MAPK10: variants seen among roughly 807,000 people sequenced by gnomAD.
MAPK10 encodes the protein mitogen-activated protein kinase 10, also known as JNK3 alpha protein kinase.
Under a neutral mutation model 59.3 loss-of-function variants are expected in MAPK10, and 25 were observed. That is an observed-to-expected ratio of 0.42 (90% CI 0.31 to 0.59). The LOEUF is 0.59. Among genes scored for constraint, MAPK10 ranks in the 20% least tolerant of loss-of-function variants. The pLI, the probability that MAPK10 is intolerant of heterozygous loss-of-function variation, is 0.15. For synonymous variants in MAPK10, 190 were observed against 200.5 expected, an observed-to-expected ratio of 0.95 and a Z score of 0.44; for missense variants, 351 against 568.9, an observed-to-expected ratio of 0.62 and a Z score of 3.90.
chr4:86,490,351 C>T (rs1425938713), intron 1 of MAPK10, among the ~76,000 whole-genome samples: 1 of 152,172 alleles, frequency 6.6e-6, no homozygotes, highest in African/African-American at 2.4e-5. Context: ...CTGGGCCTCA[C>T]TTCTTCACAA....
chr4:86,036,950 T>C (rs551397759), intron 11 of MAPK10, among the ~76,000 whole-genome samples: 9 of 152,326 alleles, frequency 5.9e-5, no homozygotes, highest in Non-Finnish European at 1.0e-4. Flanking sequence ...TGAATTGCAA[T>C]GTTTTTCTAC....
intron 12 of MAPK10, among the ~76,000 whole-genome samples, chr4:86,030,459 T>A (rs945549197): frequency 3.3e-5 from 5 of 151,954 alleles, no homozygotes; most frequent in African/African-American, 1.2e-4. Flanking sequence ...GCCTCCCAAG[T>A]AGCTGGGACT....
At chr4:86,583,315 G>A (rs975239958) in intron 1 of MAPK10, among the ~76,000 whole-genome samples, 4 of 151,974 alleles carry the variant, frequency 2.6e-5, no homozygotes, top group African/African-American at 9.7e-5. Context: ...GAGTCACCAC[G>A]CCTGGCCCCC....
intron 2 of MAPK10, among the ~76,000 whole-genome samples, chr4:86,258,504 A>G (rs574669681): frequency 6.6e-6 from 1 of 152,256 alleles, no homozygotes; most frequent in African/African-American, 2.4e-5. Flanking sequence ...TGGATACCAC[A>G]TTGTTTTTTC....
chr4:86,131,426 C>A (rs946106303), intron 4 of MAPK10, among the ~76,000 whole-genome samples: 3 of 152,128 alleles, frequency 2.0e-5, no homozygotes, highest in Non-Finnish European at 4.4e-5. Context: ...CGAGATTAAT[C>A]TATCAGTTCT....
intron 1 of MAPK10, among the ~76,000 whole-genome samples, chr4:86,511,877 A>T (rs1176898879): frequency 6.6e-6 from 1 of 151,426 alleles, no homozygotes; most frequent in Non-Finnish European, 1.5e-5. Flanking sequence ...GGGAACAAGG[A>T]AGGAAAGAAG....
chr4:86,402,459 A>G (rs774568412), intron 1 of MAPK10, among the ~76,000 whole-genome samples: 4 of 152,296 alleles, frequency 2.6e-5, no homozygotes, highest in Non-Finnish European at 5.9e-5. Context: ...AGAAAATATA[A>G]AAGAATTCAT....
intron 10 of MAPK10, chr4:86,065,697 A>C (rs1350740519): frequency 6.6e-6 from 1 of 152,186 alleles, no homozygotes; most frequent in African/African-American, 2.4e-5. Context: ...TCTTTTACAT[A>C]AAGTTTTAAC....
At chr4:86,583,978 A>T (rs1409989401) in intron 1 of MAPK10, among the ~76,000 whole-genome samples, 1 of 152,126 alleles carries the variant, frequency 6.6e-6, no homozygotes, top group Non-Finnish European at 1.5e-5. Context: ...TTATGCATAG[A>T]TGTGTTTTAC....
chr4:86,535,533 G>GT (rs896780845), intron 1 of MAPK10, among the ~76,000 whole-genome samples: 8 of 151,846 alleles, frequency 5.3e-5, no homozygotes, highest in Non-Finnish European at 4.4e-5. Context: ...TTTTTTGTTT[G>GT]TTTTTTTTAG....
In MAPK10 at chr4:86,067,927, T is replaced by C. The variant is rs2047053002; in HGVS notation, c.831A>G (p.Glu277=). The C allele has an allele frequency of 6.2e-7, 1 of 1,612,500 alleles. No individual in the cohort carries two copies. The highest frequency in any genetic ancestry group is 1.7e-5 in the Admixed American group (1 of 59,882). ...ATTCTGGACATGGTGTTCCTAGTTG[T>C]TCAATTACCTTATTCCACTGGTCAA... ...DYIDQWNKVI[E]QLGTPCPEFM... Residue 277 remains glutamate (E), a synonymous_variant, in exon 10 of 14, where the codon GAA becomes GAG. Transcript: ENST00000641462.
chr4:86,474,634 C>G lies in MAPK10; in HGVS notation c.-263+119276G>C, dbSNP rs564619401. ...TCATCATCATACTTAACCACTTCAA[C>G]CCACTGCACCCCAGTTTAGTTTACA... On this transcript the variant is annotated intron_variant, in intron 1 of 4. Coordinates refer to the MAPK10 transcript ENST00000502302. Among the ~76,000 whole-genome samples, 8 of 152,302 alleles carry G rather than the reference C, an allele frequency of 5.3e-5. No individual in the cohort carries two copies. In the East Asian group the frequency reaches 1.4e-3, roughly 26 times the overall value.
upstream of MAPK10, among the ~76,000 whole-genome samples, chr4:86,456,698 A>G (rs1213412294): frequency 6.6e-6 from 1 of 152,220 alleles, no homozygotes; most frequent in Admixed American, 6.5e-5. Flanking sequence ...CCGGAACCAG[A>G]TGGATTCACA....
At chr4:86,379,728 C>CTA (rs1322388446) in intron 1 of MAPK10, among the ~76,000 whole-genome samples, 1 of 152,172 alleles carries the variant, frequency 6.6e-6, no homozygotes, top group Non-Finnish European at 1.5e-5. Context: ...TTTAGTTAAT[C>CTA]TATAATCTAT....
rs144662196 is a variant in MAPK10, at chr4:86,425,105, T to C, written c.-122+27925A>G. ...GACAGAGGCAGAAAGGCTTTTAGAGTCTTGAAAGTCAAGCAAAGAAAGAAT... is the reference window on the plus strand; with the variant it reads ...GACAGAGGCAGAAAGGCTTTTAGAGCCTTGAAAGTCAAGCAAAGAAAGAAT... On this transcript the variant is annotated intron_variant, in intron 1 of 13. Transcript: ENST00000361569. 6.1e-3 allele frequency among the ~76,000 whole-genome samples: 922 copies of C among 152,098 alleles called. 7 individuals are homozygous for C. Among genetic ancestry groups the C allele is most frequent in the African/African-American group, 0.02 (824 of 41,508 alleles).
chr4:86,577,390 C>T (rs1029613104), intron 1 of MAPK10, among the ~76,000 whole-genome samples: 1 of 152,016 alleles, frequency 6.6e-6, no homozygotes, highest in Admixed American at 6.6e-5. Context: ...GGACATAAGA[C>T]TCAGAAATAA....
chr4:86,324,340 G>A (rs1283858875), intron 2 of MAPK10, among the ~76,000 whole-genome samples: 1 of 151,958 alleles, frequency 6.6e-6, no homozygotes, highest in Non-Finnish European at 1.5e-5. Context: ...GAACCCAGGA[G>A]GCAGAGGTTG....
intron 1 of MAPK10, among the ~76,000 whole-genome samples, chr4:86,382,041 G>T (rs939007058): frequency 1.3e-5 from 2 of 152,022 alleles, no homozygotes; most frequent in Non-Finnish European, 2.9e-5. Context: ...ATTGGGACAG[G>T]GCTATCCTGA....
chr4:86,554,403 C>T (rs4235081), intron 1 of MAPK10, among the ~76,000 whole-genome samples: 4 of 151,904 alleles, frequency 2.6e-5, no homozygotes, highest in Non-Finnish European at 5.9e-5. Context: ...GAACCTAATA[C>T]ATTTTTTAAA....
Sources: allele counts gnomAD v4.1 joint callset (sites outside exome capture counted in the v4.1 genomes callset), GRCh38; gene constraint gnomAD v4.1.1; transcripts MANE v1.5; gene names NCBI Gene and HGNC (gene_info 2026-07-23, HGNC 2026-07-21).